The following FTCDNL1 variants were observed in gnomAD, a reference collection of about 807,000 sequenced individuals.
FTCDNL1 encodes formiminotransferase cyclodeaminase N-terminal like.
In FTCDNL1, 11 loss-of-function variants were observed where a neutral mutation model predicts 5.9. The observed-to-expected ratio is 1.87, with a 90% CI of 1.18 to 3.10. The LOEUF is 3.10. Among genes scored for constraint, FTCDNL1 ranks in the 30% most tolerant of loss-of-function variants. FTCDNL1 has a pLI of 0.00. For missense variants in FTCDNL1, 115 were observed against 65.5 expected (o/e 1.76, Z -2.61); for synonymous variants, 58 against 24.8 (o/e 2.34, Z -3.99).
At chr2:199,722,947 T>A in the FTCDNL1 span, among the ~76,000 whole-genome samples, 4 of 152,120 alleles carry the variant, frequency 2.6e-5, no homozygotes, top group Admixed American at 2.6e-4. Flanking sequence ...TGTATAGGAA[T>A]ACTTGTGATT....
the FTCDNL1 span, among the ~76,000 whole-genome samples, chr2:199,715,372 G>A: frequency 1.6e-3 from 251 of 152,176 alleles, 1 homozygote; most frequent in African/African-American, 5.8e-3. Flanking sequence ...GAATCATGGG[G>A]GTGGGTTTTT....
chr2:199,786,897 C>T (rs544999199), intron 3 of FTCDNL1, among the ~76,000 whole-genome samples: 20 of 152,306 alleles, frequency 1.3e-4, no homozygotes, highest in Middle Eastern at 3.4e-3. Flanking sequence ...ATCAAGGTGT[C>T]ACCTGGGCTC....
downstream of FTCDNL1, among the ~76,000 whole-genome samples, chr2:199,808,660 C>T (rs1202401462): frequency 6.6e-6 from 1 of 152,240 alleles, no homozygotes; most frequent in African/African-American, 2.4e-5. Flanking sequence ...TCAACCCCTA[C>T]AACCCAATAT....
chr2:199,794,931 T>C (rs1044455612), intron 3 of FTCDNL1, among the ~76,000 whole-genome samples: 3 of 152,156 alleles, frequency 2.0e-5, no homozygotes, highest in African/African-American at 7.2e-5. Flanking sequence ...TTCATGTTGT[T>C]GTCCTCCCAG....
At chr2:199,723,533 C>G in the FTCDNL1 span, among the ~76,000 whole-genome samples, 1 of 152,018 alleles carries the variant, frequency 6.6e-6, no homozygotes, top group African/African-American at 2.4e-5. Context: ...TCAAAAATGG[C>G]TCTTATTGTT....
the FTCDNL1 span, among the ~76,000 whole-genome samples, chr2:199,749,770 A>G: frequency 6.6e-6 from 1 of 152,298 alleles, no homozygotes; most frequent in African/African-American, 2.4e-5. Flanking sequence ...CAATACAGCC[A>G]CACAGCCCAA....
At chr2:199,785,013 T>C (rs1699562935) in intron 3 of FTCDNL1, among the ~76,000 whole-genome samples, 1 of 152,108 alleles carries the variant, frequency 6.6e-6, no homozygotes, top group African/African-American at 2.4e-5. Flanking sequence ...TTTAATTCTA[T>C]TCCCCTGAAA....
At chr2:199,844,342 C>CAG in intron 3 of FTCDNL1, 4 of 470,666 alleles carry the variant, frequency 8.5e-6, no homozygotes, top group Non-Finnish European at 1.5e-5. Flanking sequence ...AAATGGTTTC[C>CAG]AGTAAGAAAG....
chr2:199,712,028 A>G, the FTCDNL1 span, among the ~76,000 whole-genome samples: 1 of 152,254 alleles, frequency 6.6e-6, no homozygotes, highest in East Asian at 1.9e-4. Context: ...GAGAATCCAA[A>G]AAGCTTCTAT....
intron 3 of FTCDNL1, among the ~76,000 whole-genome samples, chr2:199,778,424 G>T (rs558911315): frequency 6.6e-6 from 1 of 152,152 alleles, no homozygotes; most frequent in Non-Finnish European, 1.5e-5. Flanking sequence ...ATTTTGCAGA[G>T]AACACATTCC....
chr2:199,813,737 C>T (rs757323596), intron 4 of FTCDNL1, among the ~76,000 whole-genome samples: 3 of 151,692 alleles, frequency 2.0e-5, no homozygotes, highest in Non-Finnish European at 4.4e-5. Context: ...ATTGTGAAAC[C>T]CCGTCTCTAC....
At chr2:199,732,410 C>G in the FTCDNL1 span, among the ~76,000 whole-genome samples, 5 of 152,134 alleles carry the variant, frequency 3.3e-5, no homozygotes, top group African/African-American at 1.2e-4. Flanking sequence ...ATGGGTGAGG[C>G]ATTGTACTAA....
intron 3 of FTCDNL1, 29 bp from the exon 4 acceptor site, chr2:199,819,786 A>G: frequency 1.5e-6 from 1 of 674,564 alleles, no homozygotes. Context: ...TAACCAAAGA[A>G]AATCACAATC....
intron 3 of FTCDNL1, among the ~76,000 whole-genome samples, chr2:199,776,596 A>C (rs181896878): frequency 6.6e-6 from 1 of 152,342 alleles, no homozygotes; most frequent in African/African-American, 2.4e-5. Flanking sequence ...CCAAAACTGC[A>C]CACAACCCCT....
the FTCDNL1 span, among the ~76,000 whole-genome samples, chr2:199,682,641 C>T: frequency 6.6e-6 from 1 of 152,054 alleles, no homozygotes; most frequent in Non-Finnish European, 1.5e-5. Context: ...TGTAACTCAC[C>T]AGAACTTTCA....
At chr2:199,727,316 C>A in the FTCDNL1 span, among the ~76,000 whole-genome samples, 1 of 152,190 alleles carries the variant, frequency 6.6e-6, no homozygotes, top group Non-Finnish European at 1.5e-5. Flanking sequence ...CCTCAGAGAA[C>A]TTGATCATCT....
chr2:199,763,566 G>C (rs965737718), intron 3 of FTCDNL1, among the ~76,000 whole-genome samples: 2 of 152,064 alleles, frequency 1.3e-5, no homozygotes, highest in African/African-American at 2.4e-5. Flanking sequence ...TGTGTTTCCT[G>C]CCTGGATCTG....
chr2:199,840,471 T>C (rs1483984767), intron 3 of FTCDNL1, among the ~76,000 whole-genome samples: 1 of 152,074 alleles, frequency 6.6e-6, no homozygotes, highest in Non-Finnish European at 1.5e-5. Context: ...TGTGTGTCTG[T>C]GTTTGTGTGA....
At chr2:199,728,164 A>G in the FTCDNL1 span, among the ~76,000 whole-genome samples, 1 of 152,216 alleles carries the variant, frequency 6.6e-6, no homozygotes, top group Non-Finnish European at 1.5e-5. Flanking sequence ...ATGCTCTACT[A>G]TAAATCACTT....
Sources: allele counts gnomAD v4.1 joint callset (sites outside exome capture counted in the v4.1 genomes callset), GRCh38; gene constraint gnomAD v4.1.1; transcripts MANE v1.5; gene names NCBI Gene and HGNC (gene_info 2026-07-23, HGNC 2026-07-21).